Variants in FRMD4A observed in about 807,000 individuals in gnomAD.
The protein encoded by FRMD4A is FERM domain containing 4A, also known as FERM domain-containing protein 4A.
In FRMD4A, 29 loss-of-function variants were observed where a neutral mutation model predicts 129.1. The observed-to-expected ratio is 0.22, with a 90% CI of 0.17 to 0.31. The LOEUF (loss-of-function observed/expected upper bound fraction) is 0.31, where lower values mean the gene tolerates loss of function less well. Ranked by LOEUF, FRMD4A falls within the 10% of genes least tolerant of loss-of-function variation. The probability of loss-of-function intolerance (pLI) is 1.00; values close to 1 mark genes in which losing one functional copy is unlikely to be tolerated. For synonymous variants in FRMD4A, 634 were observed against 571.6 expected (o/e 1.11, Z -1.56); for missense variants, 1,272 against 1,375.8 (o/e 0.92, Z 1.19).
intron 2 of FRMD4A, among the ~76,000 whole-genome samples, chr10:13,985,079 G>A (rs927271380): frequency 6.6e-6 from 1 of 152,232 alleles, no homozygotes; most frequent in Non-Finnish European, 1.5e-5. Context: ...CCCTGCTGGT[G>A]TGGGCTTCAG....
intron 2 of FRMD4A, among the ~76,000 whole-genome samples, chr10:14,301,539 T>C (rs992932235): frequency 1.3e-5 from 2 of 152,242 alleles, no homozygotes; most frequent in African/African-American, 2.4e-5. Context: ...TTTCTGAATA[T>C]ACCCCAAACT....
At chr10:13,853,849 A>AC (rs1276175146) in intron 3 of FRMD4A, among the ~76,000 whole-genome samples, 9 of 151,590 alleles carry the variant, frequency 5.9e-5, no homozygotes, top group African/African-American at 1.9e-4. Flanking sequence ...AAAAAAAAAA[A>AC]AAAACCCAAA....
chr10:14,162,412 T>G (rs1378608672), intron 2 of FRMD4A, among the ~76,000 whole-genome samples: 1 of 152,212 alleles, frequency 6.6e-6, no homozygotes, highest in South Asian at 2.1e-4. Flanking sequence ...CTGGTACAAG[T>G]GTATATGATG....
intron 14 of FRMD4A, among the ~76,000 whole-genome samples, chr10:13,694,938 G>T (rs959542200): frequency 3.3e-5 from 5 of 152,046 alleles, no homozygotes; most frequent in Admixed American, 1.3e-4. Flanking sequence ...GGATTCTGGG[G>T]TCCCACCAAC....
At chr10:13,660,176 G>T in intron 20 of FRMD4A, 140 bp downstream of exon 20, 1 of 619,148 alleles carries the variant, frequency 1.6e-6, no homozygotes. Flanking sequence ...TGTGAGCACG[G>T]CCCCGTGAAA....
rs555847553 is a variant in FRMD4A at position 14,085,982 on chromosome 10, C to T, written c.46-227070G>A. Among the ~76,000 whole-genome samples, 1,164 of 152,254 alleles carry T rather than the reference C, an allele frequency of 7.6e-3. 17 individuals carry two copies. Among genetic ancestry groups the T allele is most frequent in the African/African-American group, 0.026 (1,093 of 41,526 alleles). ...AAATCCTCTGTCTTCCACTTTAATA[C>T]GAGCGCCAGTAAATATTTTATGCCG... On this transcript the variant is annotated intron_variant, in intron 2 of 24. Coordinates refer to ENST00000357447, the MANE Select transcript of FRMD4A (RefSeq NM_018027.5).
rs2797860 is a variant in FRMD4A at position 13,925,167 on chromosome 10, C to T, written c.46-66255G>A. 7.7e-3 allele frequency among the ~76,000 whole-genome samples: 1,163 copies of T among 151,824 alleles called. 10 individuals carry two copies. The highest frequency in any genetic ancestry group is 0.013 in the Non-Finnish European group (890 of 67,950). On this transcript the variant is annotated intron_variant, in intron 2 of 24. Coordinates refer to ENST00000357447, the MANE Select transcript of FRMD4A (RefSeq NM_018027.5). ...GGTGGCACAATGGGCAAGATCTGCA[C>T]TTACTTCTTTCAAGGAAGAGATATC...
chr10:13,676,319 T>C (rs1320207207), intron 15 of FRMD4A, among the ~76,000 whole-genome samples: 1 of 151,926 alleles, frequency 6.6e-6, no homozygotes, highest in Non-Finnish European at 1.5e-5. Context: ...TGGAGTGCAG[T>C]GGCACCATCT....
chr10:14,215,017 G>T (rs1018093469), intron 2 of FRMD4A, among the ~76,000 whole-genome samples: 3 of 152,182 alleles, frequency 2.0e-5, no homozygotes, highest in African/African-American at 7.2e-5. Context: ...CAAGCATGAT[G>T]AATTGGATCA....
chr10:13,892,314 G>A (rs1404222623), intron 2 of FRMD4A, among the ~76,000 whole-genome samples: 4 of 152,116 alleles, frequency 2.6e-5, no homozygotes, highest in South Asian at 2.1e-4. Flanking sequence ...TAGTCCAATT[G>A]TATTGAATTT....
intron 2 of FRMD4A, among the ~76,000 whole-genome samples, chr10:14,302,521 T>G (rs550942300): frequency 1.8e-4 from 27 of 152,344 alleles, no homozygotes; most frequent in African/African-American, 6.3e-4. Flanking sequence ...TAAACTTCTC[T>G]TCACTTCAGC....
At chr10:14,109,244 T>C (rs1266478050) in intron 2 of FRMD4A, among the ~76,000 whole-genome samples, 3 of 150,194 alleles carry the variant, frequency 2.0e-5, no homozygotes, top group Admixed American at 6.6e-5. Context: ...AAGAAGCTTC[T>C]CAGAAGAAGC....
chr10:13,785,264 A>G (rs78279838), intron 5 of FRMD4A, among the ~76,000 whole-genome samples: 3,743 of 152,294 alleles, frequency 0.025, 148 homozygotes, highest in African/African-American at 0.085. Flanking sequence ...TTCTCAATCC[A>G]CAGATATCAT....
chr10:13,652,159 AC>A, intron 23 of FRMD4A, 185 bp from the exon 24 acceptor site: 1 of 607,480 alleles, frequency 1.6e-6, no homozygotes, highest in Non-Finnish European at 3.0e-6. Flanking sequence ...GAGTCAAAAT[AC>A]CTAGTTTGTT....
At chr10:13,939,542 C>A (rs1044865374) in intron 2 of FRMD4A, among the ~76,000 whole-genome samples, 1 of 152,084 alleles carries the variant, frequency 6.6e-6, no homozygotes, top group Admixed American at 6.5e-5. Flanking sequence ...TGTACTTTCC[C>A]AACATTAATA....
chr10:13,900,696 A>G (rs2094809532), intron 2 of FRMD4A, among the ~76,000 whole-genome samples: 2 of 152,110 alleles, frequency 1.3e-5, no homozygotes, highest in African/African-American at 4.8e-5. Flanking sequence ...CAGGAGTTTG[A>G]GACCAGCCTG....
At chr10:14,223,943 T>C (rs912592040) in intron 2 of FRMD4A, among the ~76,000 whole-genome samples, 1 of 152,106 alleles carries the variant, frequency 6.6e-6, no homozygotes, top group Admixed American at 6.5e-5. Context: ...AGCAACAAAC[T>C]GAAAAGATTT....
intron 2 of FRMD4A, among the ~76,000 whole-genome samples, chr10:13,869,549 C>T (rs749324951): frequency 1.3e-5 from 2 of 152,358 alleles, no homozygotes; most frequent in East Asian, 1.9e-4. Flanking sequence ...CGCTGAAAGA[C>T]GCAATGGCAT....
At chr10:14,250,463 T>G (rs1352872799) in intron 2 of FRMD4A, among the ~76,000 whole-genome samples, 1 of 152,118 alleles carries the variant, frequency 6.6e-6, no homozygotes, top group Non-Finnish European at 1.5e-5. Flanking sequence ...ATTTTCCAAT[T>G]AAGGGGAAAA....
Sources: allele counts gnomAD v4.1 joint callset (sites outside exome capture counted in the v4.1 genomes callset), GRCh38; gene constraint gnomAD v4.1.1; transcripts MANE v1.5; gene names NCBI Gene and HGNC (gene_info 2026-07-23, HGNC 2026-07-21).